TMEM117: variants seen among roughly 807,000 people sequenced by gnomAD.
TMEM117 encodes transmembrane protein 117.
TMEM117 carries 27 observed loss-of-function variants against 52.4 expected under a neutral mutation model. The ratio of observed to expected loss-of-function variants is 0.51; its 90% CI spans 0.38 to 0.71. TMEM117 has a LOEUF of 0.71. Among genes scored for constraint, TMEM117 ranks in the 30% least tolerant of loss-of-function variants. The probability of loss-of-function intolerance (pLI) is 0.00; values close to 1 mark genes in which losing one functional copy is unlikely to be tolerated. For missense variants in TMEM117, 556 were observed against 630.5 expected (o/e 0.88, Z 1.26); for synonymous variants, 215 against 206.3 (o/e 1.04, Z -0.36).
At chr12:44,278,556 T>A (rs1207692892) in intron 5 of TMEM117, among the ~76,000 whole-genome samples, 2 of 152,208 alleles carry the variant, frequency 1.3e-5, no homozygotes, top group African/African-American at 2.4e-5. Flanking sequence ...CTGCTGTTCC[T>A]CAATGTGAGC....
intron 5 of TMEM117, among the ~76,000 whole-genome samples, chr12:44,226,183 T>G (rs1949858561): frequency 6.6e-6 from 1 of 152,188 alleles, no homozygotes; most frequent in South Asian, 2.1e-4. Context: ...CAGGCAGAAT[T>G]GCTACCACTA....
chr12:44,003,711 T>A lies in TMEM117; in HGVS notation c.410+59369T>A, dbSNP rs552889494. Reference sequence around the variant, plus strand: ...GTCCTCAGAAAGGCAATGGAGTTTATGTCTCTTAGCCATGTGCTGAGGAGG... The same window carrying A: ...GTCCTCAGAAAGGCAATGGAGTTTAAGTCTCTTAGCCATGTGCTGAGGAGG... On this transcript the variant is annotated intron_variant, in intron 3 of 7. Coordinates refer to ENST00000266534, the MANE Select transcript of TMEM117 (RefSeq NM_032256.3). Among the ~76,000 whole-genome samples, 23 of 152,364 alleles carry A rather than the reference T, an allele frequency of 1.5e-4. 1 individual carries two copies. The highest frequency in any genetic ancestry group is 5.5e-4 in the African/African-American group (23 of 41,598).
intron 2 of TMEM117, among the ~76,000 whole-genome samples, chr12:43,871,734 T>C (rs752808821): frequency 6.6e-6 from 1 of 152,224 alleles, no homozygotes; most frequent in Admixed American, 6.5e-5. Flanking sequence ...TGTATGCTAA[T>C]AAGAAGCTAA....
At chr12:43,839,456 G>C (rs1406400391) in intron 1 of TMEM117, among the ~76,000 whole-genome samples, 1 of 152,052 alleles carries the variant, frequency 6.6e-6, no homozygotes, top group Non-Finnish European at 1.5e-5. Context: ...CTCTAAATGT[G>C]CACCCAACAA....
At chr12:44,151,360 T>C (rs939121335) in intron 4 of TMEM117, among the ~76,000 whole-genome samples, 4 of 151,954 alleles carry the variant, frequency 2.6e-5, no homozygotes, top group East Asian at 1.9e-4. Context: ...TCTTTTTTTT[T>C]TCATTATTAT....
chr12:44,171,396 T>G (rs1204653415), intron 4 of TMEM117, among the ~76,000 whole-genome samples: 1 of 152,228 alleles, frequency 6.6e-6, no homozygotes, highest in East Asian at 1.9e-4. Context: ...CCCATTAATC[T>G]TAGCATCCAT....
At chr12:43,875,706 T>G (rs780664606) in intron 2 of TMEM117, among the ~76,000 whole-genome samples, 37 of 152,228 alleles carry the variant, frequency 2.4e-4, no homozygotes, top group Admixed American at 5.9e-4. Context: ...AAAAACCTGT[T>G]GGGCTACTTT....
At chr12:44,090,839 G>GTGTTTTTT in intron 3 of TMEM117, among the ~76,000 whole-genome samples, 1 of 104,802 alleles carries the variant, frequency 9.5e-6, no homozygotes, top group South Asian at 2.9e-4. Flanking sequence ...GTATTTATGT[G>GTGTTTTTT]TTTTTTTTTG....
intron 3 of TMEM117, among the ~76,000 whole-genome samples, chr12:43,952,083 A>T (rs752864449): frequency 1.3e-5 from 2 of 152,190 alleles, no homozygotes. Context: ...AGAAAGCAAC[A>T]ATAACAACAG....
At chr12:44,369,311 G>A (rs1026165227) in intron 6 of TMEM117, among the ~76,000 whole-genome samples, 1 of 152,172 alleles carries the variant, frequency 6.6e-6, no homozygotes, top group Non-Finnish European at 1.5e-5. Context: ...TTTTCAAGGT[G>A]TCTAGGTGTA....
chr12:44,334,207 C>A (rs1258098531), intron 6 of TMEM117, among the ~76,000 whole-genome samples: 1 of 151,950 alleles, frequency 6.6e-6, no homozygotes, highest in Non-Finnish European at 1.5e-5. Flanking sequence ...CTATTCATGA[C>A]AAAGACTGTC....
chr12:43,840,059 C>T (rs1311367858), intron 1 of TMEM117, among the ~76,000 whole-genome samples: 1 of 152,114 alleles, frequency 6.6e-6, no homozygotes, highest in East Asian at 1.9e-4. Flanking sequence ...TGTGCCTTTG[C>T]ACAAAATAGA....
chr12:43,910,119 A>T (rs1944470203), intron 2 of TMEM117, among the ~76,000 whole-genome samples: 1 of 129,480 alleles, frequency 7.7e-6, no homozygotes, highest in Non-Finnish European at 1.6e-5. Context: ...AACCGAATCC[A>T]GCAGCACATC....
intron 3 of TMEM117, among the ~76,000 whole-genome samples, chr12:43,951,429 C>A (rs1027548580): frequency 2.6e-5 from 4 of 152,194 alleles, no homozygotes; most frequent in Non-Finnish European, 5.9e-5. Context: ...AGTCTCGAAT[C>A]TGCCTGGGAT....
chr12:43,949,674 T>A (rs1163489852), intron 3 of TMEM117, among the ~76,000 whole-genome samples: 5 of 152,122 alleles, frequency 3.3e-5, no homozygotes, highest in Non-Finnish European at 7.3e-5. Context: ...GGAGAGACTG[T>A]TTAATGACTG....
At chr12:44,028,329 T>C (rs562938831) in intron 3 of TMEM117, among the ~76,000 whole-genome samples, 55 of 152,348 alleles carry the variant, frequency 3.6e-4, no homozygotes, top group African/African-American at 1.3e-3. Flanking sequence ...AGCTTAACGT[T>C]ATTTTGTCAG....
intron 3 of TMEM117, among the ~76,000 whole-genome samples, chr12:43,951,682 C>G (rs926148664): frequency 6.6e-6 from 1 of 152,138 alleles, no homozygotes; most frequent in Non-Finnish European, 1.5e-5. Flanking sequence ...TGGCCGTGGT[C>G]TCAGGTTCAG....
chr12:44,128,272 C>T (rs1449090111), intron 3 of TMEM117, among the ~76,000 whole-genome samples: 1 of 152,184 alleles, frequency 6.6e-6, no homozygotes, highest in Non-Finnish European at 1.5e-5. Context: ...CACTTTTGCC[C>T]TCCTCTGCCC....
intron 3 of TMEM117, among the ~76,000 whole-genome samples, chr12:44,052,147 T>G (rs1035669686): frequency 3.3e-5 from 5 of 152,178 alleles, no homozygotes; most frequent in Admixed American, 2.6e-4. Flanking sequence ...GCTGACAAAT[T>G]TGAGGAAGAT....
Sources: allele counts gnomAD v4.1 joint callset (sites outside exome capture counted in the v4.1 genomes callset), GRCh38; gene constraint gnomAD v4.1.1; transcripts MANE v1.5; gene names NCBI Gene and HGNC (gene_info 2026-07-23, HGNC 2026-07-21).